CTSS: variants seen among roughly 807,000 people sequenced by gnomAD.
The protein encoded by CTSS is cathepsin S.
In CTSS, 15 loss-of-function variants were observed where a neutral mutation model predicts 39.9. The ratio of observed to expected loss-of-function variants is 0.38; its 90% CI spans 0.25 to 0.58. The LOEUF (loss-of-function observed/expected upper bound fraction) is 0.58, where lower values mean the gene tolerates loss of function less well. Ranked by LOEUF, CTSS falls within the 20% of genes least tolerant of loss-of-function variation. CTSS has a pLI of 0.70. For missense variants in CTSS, 250 were observed against 398.2 expected (o/e 0.63, Z 3.17); for synonymous variants, 126 against 138.2 (o/e 0.91, Z 0.62).
rs768560059 is a variant in CTSS at position 150,751,825 on chromosome 1, T to A, written c.583A>T (p.Asn195Tyr). The A allele has an allele frequency of 6.2e-7, 1 of 1,614,062 alleles. No individual in the cohort carries two copies. ...MTTAFQYIID[N>Y]KGIDSDASYP... Reference sequence around the variant, plus strand: ...GAAGCGTCTGAGTCGATGCCCTTGTTATCAATGATGTACTGGAAAGCCGTT... The same window carrying A: ...GAAGCGTCTGAGTCGATGCCCTTGTAATCAATGATGTACTGGAAAGCCGTT... The change falls in exon 5 of 8, where the codon AAC becomes TAC. Residue 195 changes from asparagine (N) to tyrosine (Y), a missense_variant. Physicochemically the swap from Asn to Tyr is moderately radical, Grantham distance 143. Transcript: ENST00000368985.
At chr1:150,764,046 C>T (rs1415391052) in intron 2 of CTSS, among the ~76,000 whole-genome samples, 1 of 152,038 alleles carries the variant, frequency 6.6e-6, no homozygotes, top group African/African-American at 2.4e-5. Flanking sequence ...ACCCAGGGCC[C>T]TTCCTACTCT....
intron 5 of CTSS, 32 bp from the exon 6 acceptor site, chr1:150,750,203 T>C (rs1459652434): frequency 5.8e-6 from 9 of 1,542,834 alleles, no homozygotes; most frequent in Non-Finnish European, 8.0e-6. Context: ...TGATGAAGTA[T>C]ACTTCAACTC....
intron 7 of CTSS, 50 bp downstream of exon 7, chr1:150,747,727 A>G: frequency 5.9e-5 from 66 of 1,124,866 alleles, no homozygotes; most frequent in Middle Eastern, 2.0e-4. Context: ...ATTTGCTGAA[A>G]CTCCCTCAAA....
intron 7 of CTSS, among the ~76,000 whole-genome samples, chr1:150,735,346 A>G (rs755773650): frequency 2.6e-5 from 4 of 152,268 alleles, no homozygotes; most frequent in Non-Finnish European, 5.9e-5. Context: ...TCTCTGTACC[A>G]TTTAACACAC....
chr1:150,755,120 A>G lies in CTSS; in HGVS notation c.280T>C (p.Ser94Pro), dbSNP rs1571103724. 6.2e-7 allele frequency: 1 copy of G among 1,614,180 alleles called. No individual in the cohort carries two copies. The highest frequency in any genetic ancestry group is 8.5e-7 in the Non-Finnish European group (1 of 1,180,024). ...TGCCACTGGCTGGGAACTCTCAGGG[A>G]ACTCATCAAAGACATCACTTCTTCA... ...TSEEVMSLMS[S>P]LRVPSQWQRN... The change falls in exon 4 of 8, where the codon TCC becomes CCC. Residue 94 changes from serine to proline, a missense_variant. Coordinates refer to ENST00000368985, the MANE Select transcript of CTSS (RefSeq NM_004079.5).
rs1049791924 is a variant in CTSS, at chr1:150,749,906, C to T, written c.793+100G>A. 2.0e-5 allele frequency: 20 copies of T among 1,023,962 alleles called. No individual in the cohort carries two copies. The African/African-American group carries it at 3.1e-4, about 16-fold the overall frequency. 63.4% of individuals were successfully genotyped at this position (1,023,962 alleles called of 1,614,324 possible). Reference sequence around the variant, plus strand: ...CCAGGCTCAAGCAATCCTCCCACCTCAGCCTCCAAAGCTAGAATTACAGGC... The same window carrying T: ...CCAGGCTCAAGCAATCCTCCCACCTTAGCCTCCAAAGCTAGAATTACAGGC... On this transcript the variant is annotated intron_variant, in intron 6 of 7. Coordinates refer to ENST00000368985, the MANE Select transcript of CTSS (RefSeq NM_004079.5).
intron 2 of CTSS, among the ~76,000 whole-genome samples, chr1:150,759,452 A>T (rs587630519): frequency 4.6e-5 from 7 of 152,190 alleles, no homozygotes; most frequent in Admixed American, 6.5e-5. Flanking sequence ...TAGGTGCTGC[A>T]TTCTGGGTGA....
chr1:150,745,173 C>G (rs587649342), intron 7 of CTSS, among the ~76,000 whole-genome samples: 2 of 152,194 alleles, frequency 1.3e-5, no homozygotes, highest in South Asian at 4.1e-4. Context: ...GATTTGTAGA[C>G]TATGTACTTC....
chr1:150,762,619 T>C (rs2101928230), intron 2 of CTSS, among the ~76,000 whole-genome samples: 1 of 152,250 alleles, frequency 6.6e-6, no homozygotes, highest in East Asian at 1.9e-4. Flanking sequence ...AAGACCTGAA[T>C]AGACATTTCT....
intron 7 of CTSS, among the ~76,000 whole-genome samples, chr1:150,741,079 G>C (rs1652744326): frequency 6.6e-6 from 1 of 152,078 alleles, no homozygotes; most frequent in Non-Finnish European, 1.5e-5. Flanking sequence ...ATGGCTCACT[G>C]TAGCCTCAAA....
In CTSS at chr1:150,755,168, A is replaced by G. The variant is rs1653094847; in HGVS notation, c.250-18T>C. ...TCACTGGTCTACAAAGCAAATATACAGTCAGGCATTGTTTAATGACTGGAA... is the reference window on the plus strand; with the variant it reads ...TCACTGGTCTACAAAGCAAATATACGGTCAGGCATTGTTTAATGACTGGAA... On this transcript the variant is annotated intron_variant, in intron 3 of 7. Coordinates refer to ENST00000368985, the MANE Select transcript of CTSS (RefSeq NM_004079.5). The G allele has an allele frequency of 2.5e-6, 4 of 1,612,228 alleles. No individual in the cohort carries two copies. The highest frequency in any genetic ancestry group is 3.4e-6 in the Non-Finnish European group (4 of 1,178,838).
intron 7 of CTSS, among the ~76,000 whole-genome samples, chr1:150,747,317 G>A (rs1378909904): frequency 6.6e-6 from 1 of 152,166 alleles, no homozygotes; most frequent in Admixed American, 6.5e-5. Flanking sequence ...GTAAGTGAGT[G>A]TGTCCAGATA....
At chr1:150,764,406 T>G (rs1178221150) in intron 2 of CTSS, among the ~76,000 whole-genome samples, 1 of 151,870 alleles carries the variant, frequency 6.6e-6, no homozygotes, top group Admixed American at 6.6e-5. Flanking sequence ...TCCAGCTAAT[T>G]TTTGTATTTT....
At position 150,736,592 on chromosome 1, in the gene CTSS, C is replaced by G. The variant is rs370756884; in HGVS notation, c.897-3447G>C. ...CTAGTATGAAAATTGAATTGAGGGT[C>G]TAGTTACTAGCAGTATGAATTCAGT... On this transcript the variant is annotated intron_variant, in intron 7 of 7. Coordinates refer to ENST00000368985, the MANE Select transcript of CTSS (RefSeq NM_004079.5). 1.5e-4 allele frequency among the ~76,000 whole-genome samples: 23 copies of G among 152,216 alleles called. No individual in the cohort carries two copies. In the South Asian group the frequency reaches 2.9e-3, roughly 19 times the overall value.
At chr1:150,752,698 C>G (rs1464483007) in intron 4 of CTSS, among the ~76,000 whole-genome samples, 1 of 152,138 alleles carries the variant, frequency 6.6e-6, no homozygotes, top group East Asian at 1.9e-4. Flanking sequence ...GAGAAAGGAG[C>G]TCATTAACTT....
Position 150,765,751 on chromosome 1 carries a change from T to A in CTSS, c.-55A>T, listed in dbSNP as rs1653361485. On this transcript the variant is annotated 5_prime_UTR_variant, in exon 1 of 8. Transcript: ENST00000368985. ...TAAGAGTCCTTGAATTAGTGGGCTC[T>A]CTTCTAAGATTTCAAAGCAACAAGG... 6.6e-6 allele frequency: 1 copy of A among 152,232 alleles called. No individual in the cohort carries two copies. Among genetic ancestry groups the A allele is most frequent in the South Asian group, 2.1e-4 (1 of 4,836 alleles). 9.4% of individuals were successfully genotyped at this position (152,232 alleles called of 1,614,324 possible).
chr1:150,746,771 A>G (rs1652903923), intron 7 of CTSS, among the ~76,000 whole-genome samples: 1 of 152,192 alleles, frequency 6.6e-6, no homozygotes, highest in South Asian at 2.1e-4. Context: ...GGGAACTACA[A>G]CTGTGGATAG....
chr1:150,749,636 C>T (rs1351566936), intron 6 of CTSS, among the ~76,000 whole-genome samples: 1 of 137,974 alleles, frequency 7.2e-6, no homozygotes, highest in Non-Finnish European at 1.5e-5. Flanking sequence ...CTCTTTCTTC[C>T]TTCTTTCTCT....
intron 2 of CTSS, 119 bp from the exon 3 acceptor site, chr1:150,758,099 G>A: frequency 1.2e-6 from 1 of 852,280 alleles, no homozygotes; most frequent in African/African-American, 1.7e-5. Flanking sequence ...ACCCAAGCTG[G>A]AGTCCAATGG....
Sources: allele counts gnomAD v4.1 joint callset (sites outside exome capture counted in the v4.1 genomes callset), GRCh38; gene constraint gnomAD v4.1.1; transcripts MANE v1.5; gene names NCBI Gene and HGNC (gene_info 2026-07-23, HGNC 2026-07-21).